The following CNTNAP2 variants were observed in gnomAD, a reference collection of about 807,000 sequenced individuals.
CNTNAP2 encodes the protein contactin-associated protein-like 2.
A neutral mutation model predicts 155.2 loss-of-function variants in CNTNAP2; 98 were observed. The observed-to-expected ratio is 0.63, with a 90% CI of 0.54 to 0.75. The LOEUF is 0.75. Ranked by LOEUF, CNTNAP2 falls within the 30% of genes least tolerant of loss-of-function variation. CNTNAP2 has a pLI of 0.00. For synonymous variants in CNTNAP2, 651 were observed against 631.2 expected (o/e 1.03, Z -0.47); for missense variants, 1,727 against 1,688.1 (o/e 1.02, Z -0.40).
intron 1 of CNTNAP2, among the ~76,000 whole-genome samples, chr7:146,284,825 G>A (rs992449665): frequency 3.3e-5 from 5 of 152,110 alleles, no homozygotes; most frequent in African/African-American, 9.7e-5. Flanking sequence ...AACACCACTC[G>A]TCTCTGATCA....
chr7:146,276,399 G>C lies in CNTNAP2; in HGVS notation c.97+159426G>C, dbSNP rs1246944746. On this transcript the variant is annotated intron_variant, in intron 1 of 23. Coordinates refer to ENST00000361727, the MANE Select transcript of CNTNAP2 (RefSeq NM_014141.6). Reference sequence around the variant, plus strand: ...TCTCAATATGCATCATCTTAACCAAGGCATCTAACTGTACTGCCTGTCATG... The same window carrying C: ...TCTCAATATGCATCATCTTAACCAACGCATCTAACTGTACTGCCTGTCATG... Among the ~76,000 whole-genome samples, 5 of 152,030 alleles carry C rather than the reference G, an allele frequency of 3.3e-5. No individual in the cohort carries two copies. The East Asian group carries it at 9.6e-4, about 29-fold the overall frequency.
chr7:147,446,209 C>G (rs981352882), intron 10 of CNTNAP2, among the ~76,000 whole-genome samples: 3 of 151,506 alleles, frequency 2.0e-5, no homozygotes, highest in East Asian at 3.9e-4. Flanking sequence ...TCTCCTCCCC[C>G]CACCCCTCAC....
chr7:146,411,349 G>C (rs997880542), intron 1 of CNTNAP2, among the ~76,000 whole-genome samples: 5 of 151,868 alleles, frequency 3.3e-5, no homozygotes, highest in Middle Eastern at 3.2e-3. Context: ...GTAGAGACGG[G>C]GTTTCACCAT....
At chr7:147,424,363 A>C (rs1285872500) in intron 10 of CNTNAP2, among the ~76,000 whole-genome samples, 1 of 152,158 alleles carries the variant, frequency 6.6e-6, no homozygotes, top group Non-Finnish European at 1.5e-5. Flanking sequence ...TGCTAAATCT[A>C]GTGGAAAATT....
At chr7:146,258,003 G>C (rs1287274994) in intron 1 of CNTNAP2, among the ~76,000 whole-genome samples, 1 of 151,754 alleles carries the variant, frequency 6.6e-6, no homozygotes, top group Non-Finnish European at 1.5e-5. Context: ...CGATTCTCCT[G>C]TCTCAGCTTC....
At chr7:146,341,734 A>C (rs1439700318) in intron 1 of CNTNAP2, among the ~76,000 whole-genome samples, 3 of 152,058 alleles carry the variant, frequency 2.0e-5, no homozygotes, top group Non-Finnish European at 4.4e-5. Flanking sequence ...AACAAAAAAA[A>C]CCCCTGAAAA....
At chr7:147,365,379 A>AGAGTC (rs1796210939) in intron 9 of CNTNAP2, among the ~76,000 whole-genome samples, 1 of 129,710 alleles carries the variant, frequency 7.7e-6, no homozygotes. Flanking sequence ...CTCTATCTCA[A>AGAGTC]AAAGAAAAAA....
intron 8 of CNTNAP2, among the ~76,000 whole-genome samples, chr7:147,151,544 T>C (rs562969872): frequency 3.3e-5 from 5 of 152,286 alleles, no homozygotes; most frequent in African/African-American, 1.2e-4. Flanking sequence ...CACATCTTGT[T>C]TGGGCAATTC....
At chr7:147,125,985 G>A (rs1801225657) in intron 6 of CNTNAP2, among the ~76,000 whole-genome samples, 2 of 152,036 alleles carry the variant, frequency 1.3e-5, no homozygotes, top group African/African-American at 4.8e-5. Flanking sequence ...ACTCAAAGAC[G>A]GCTGCTAACA....
chr7:146,467,411 T>G (rs1347122410), intron 1 of CNTNAP2, among the ~76,000 whole-genome samples: 1 of 152,170 alleles, frequency 6.6e-6, no homozygotes, highest in African/African-American at 2.4e-5. Context: ...ATGCAAAAGA[T>G]GATGGTAGTA....
chr7:147,112,451 T>C (rs1298152549), intron 5 of CNTNAP2, among the ~76,000 whole-genome samples: 1 of 152,222 alleles, frequency 6.6e-6, no homozygotes, highest in African/African-American at 2.4e-5. Flanking sequence ...CTTGTGACAG[T>C]TTTCTGTGGA....
chr7:146,902,056 T>G (rs553393352), intron 3 of CNTNAP2, among the ~76,000 whole-genome samples: 1 of 152,030 alleles, frequency 6.6e-6, no homozygotes, highest in Admixed American at 6.6e-5. Flanking sequence ...TTCTTTTTTT[T>G]TGTATTTGTA....
intron 22 of CNTNAP2, among the ~76,000 whole-genome samples, chr7:148,390,294 C>T (rs906737359): frequency 6.6e-6 from 1 of 151,966 alleles, no homozygotes; most frequent in African/African-American, 2.4e-5. Context: ...AGACTTGAAA[C>T]AAACAAATGA....
At chr7:146,344,548 C>T (rs952649513) in intron 1 of CNTNAP2, among the ~76,000 whole-genome samples, 15 of 109,588 alleles carry the variant, frequency 1.4e-4, no homozygotes, top group African/African-American at 3.2e-4. Context: ...GGCATGATCT[C>T]GGCTCACTTC....
chr7:147,045,003 T>C (rs2129255737), intron 4 of CNTNAP2, among the ~76,000 whole-genome samples: 1 of 152,296 alleles, frequency 6.6e-6, no homozygotes, highest in Non-Finnish European at 1.5e-5. Context: ...TTGTTGTTTC[T>C]TTATGAGACT....
chr7:147,772,988 C>A (rs1563083508), intron 13 of CNTNAP2, among the ~76,000 whole-genome samples: 1 of 152,154 alleles, frequency 6.6e-6, no homozygotes, highest in South Asian at 2.1e-4. Flanking sequence ...TAATTACAAA[C>A]CATATCCCAC....
At chr7:146,966,353 C>CA (rs1233250020) in intron 3 of CNTNAP2, among the ~76,000 whole-genome samples, 1 of 152,202 alleles carries the variant, frequency 6.6e-6, no homozygotes, top group African/African-American at 2.4e-5. Context: ...CTTAGACACA[C>CA]ACTCTTACAT....
At chr7:146,775,965 TGAGA>T (rs1389793150) in intron 2 of CNTNAP2, among the ~76,000 whole-genome samples, 2 of 152,110 alleles carry the variant, frequency 1.3e-5, no homozygotes, top group East Asian at 1.9e-4. Context: ...GCTATGGACA[TGAGA>T]GAGTTGTTGA....
intron 11 of CNTNAP2, among the ~76,000 whole-genome samples, chr7:147,541,089 T>C (rs370562565): frequency 2.0e-5 from 3 of 152,220 alleles, no homozygotes; most frequent in Non-Finnish European, 2.9e-5. Flanking sequence ...GTTTAACATC[T>C]ACTTCTTTTA....
Sources: gnomAD v4.1 joint callset for allele counts (sites outside exome capture counted in the v4.1 genomes callset) on GRCh38, gnomAD v4.1.1 for gene constraint, MANE v1.5 for transcripts, NCBI Gene and HGNC (gene_info 2026-07-23, HGNC 2026-07-21) for gene names.